The following PDE11A variants were observed in gnomAD, a reference collection of about 807,000 sequenced individuals.
PDE11A encodes the protein dual 3',5'-cyclic-AMP and -GMP phosphodiesterase 11A.
In PDE11A, 100 loss-of-function variants were observed where a neutral mutation model predicts 100.5. The ratio of observed to expected loss-of-function variants is 1.00; its 90% confidence interval spans 0.85 to 1.18. The LOEUF (loss-of-function observed/expected upper bound fraction) is 1.18. Ranked by LOEUF, PDE11A falls within the 50% of genes most tolerant of loss-of-function variation. The pLI, the probability that PDE11A is intolerant of heterozygous loss-of-function variation, is 0.00. For missense variants in PDE11A, 1,141 were observed against 1,152.6 expected, an observed-to-expected ratio of 0.99 and a Z score of 0.15; for synonymous variants, 381 against 420.8, an observed-to-expected ratio of 0.91 and a Z score of 1.16.
At chr2:177,997,927 A>G in intron 2 of PDE11A, 1 of 1,286,226 alleles carries the variant, frequency 7.8e-7, no homozygotes, top group East Asian at 2.3e-5. Context: ...CTCCAACTGT[A>G]TGTCAAGACC....
intron 2 of PDE11A, among the ~76,000 whole-genome samples, chr2:177,908,175 T>C (rs2084820474): frequency 6.6e-6 from 1 of 152,230 alleles, no homozygotes; most frequent in Non-Finnish European, 1.5e-5. Flanking sequence ...ATTAATATGA[T>C]AGTCTGGTTA....
At chr2:178,023,051 A>C (rs2086433933) in intron 1 of PDE11A, among the ~76,000 whole-genome samples, 1 of 152,212 alleles carries the variant, frequency 6.6e-6, no homozygotes, top group Non-Finnish European at 1.5e-5. Flanking sequence ...CACAAGGCCA[A>C]AAGCAATTTT....
Position 177,897,181 on chromosome 2 carries a change from T to C in PDE11A, c.1302+877A>G, listed in dbSNP as rs16865912. ...ATAATTGCTACACAATTCCCGATCT[T>C]TGAAGCAAGTTCTCAGCAAAAATAT... On this transcript the variant is annotated intron_variant, in intron 4 of 19. Transcript: ENST00000286063. 7.8e-3 allele frequency among the ~76,000 whole-genome samples: 1,190 copies of C among 152,318 alleles called. 18 individuals are homozygous for C. The highest frequency in any genetic ancestry group is 0.027 in the African/African-American group (1,109 of 41,568).
intron 2 of PDE11A, among the ~76,000 whole-genome samples, chr2:177,993,991 A>G (rs1426344142): frequency 6.8e-6 from 1 of 147,520 alleles, no homozygotes; most frequent in Non-Finnish European, 1.5e-5. Flanking sequence ...GCTGAAGTGC[A>G]ATGGAGCAAT....
At chr2:177,708,186 G>A (rs2105420023) in intron 13 of PDE11A, among the ~76,000 whole-genome samples, 2 of 152,226 alleles carry the variant, frequency 1.3e-5, no homozygotes, top group South Asian at 4.1e-4. Context: ...TTTCATTGCA[G>A]CTCTATTCAC....
At chr2:177,945,042 C>A in intron 2 of PDE11A, among the ~76,000 whole-genome samples, 1 of 148,840 alleles carries the variant, frequency 6.7e-6, no homozygotes, top group Non-Finnish European at 1.5e-5. Flanking sequence ...GGCCGGTCTC[C>A]AGCCCCTAAC....
intron 1 of PDE11A, among the ~76,000 whole-genome samples, chr2:178,070,788 G>A (rs577217964): frequency 8.9e-4 from 136 of 152,242 alleles, no homozygotes; most frequent in African/African-American, 3.1e-3. Context: ...AATATTTGTT[G>A]TTTGTTTCAT....
chr2:177,983,002 C>A (rs2085901224), intron 2 of PDE11A, among the ~76,000 whole-genome samples: 2 of 150,478 alleles, frequency 1.3e-5, no homozygotes, highest in South Asian at 4.3e-4. Flanking sequence ...ATCACTTGAA[C>A]CTGGGGGAAT....
intron 2 of PDE11A, among the ~76,000 whole-genome samples, chr2:178,002,278 T>C (rs775021170): frequency 8.5e-5 from 13 of 152,230 alleles, no homozygotes; most frequent in South Asian, 6.2e-4. Context: ...TAGTATTCCA[T>C]GGTGTCTATG....
chr2:177,729,869 G>C lies in PDE11A; in HGVS notation c.1789-1697C>G, dbSNP rs545589103. Reference sequence around the variant, plus strand: ...TCTTTTTTCCCCCTTTTTTTTTCCAGTGTATCTATTACAGGTTTTTGCTTT... The same window carrying C: ...TCTTTTTTCCCCCTTTTTTTTTCCACTGTATCTATTACAGGTTTTTGCTTT... On this transcript the variant is annotated intron_variant, in intron 10 of 19. Coordinates refer to ENST00000286063, the MANE Select transcript of PDE11A (RefSeq NM_016953.4). Among the ~76,000 whole-genome samples, 449 of 149,478 alleles carry C rather than the reference G, an allele frequency of 3.0e-3. 6 individuals carry two copies. Among genetic ancestry groups the C allele is most frequent in the African/African-American group, 0.011 (439 of 40,650 alleles).
intron 2 of PDE11A, among the ~76,000 whole-genome samples, chr2:177,991,446 C>T (rs1245152219): frequency 5.3e-5 from 8 of 150,258 alleles, no homozygotes; most frequent in Non-Finnish European, 8.9e-5. Context: ...CCAGCCTGGC[C>T]AACATGGTGA....
intron 5 of PDE11A, among the ~76,000 whole-genome samples, chr2:177,864,852 T>C (rs1402188962): frequency 6.6e-6 from 1 of 152,222 alleles, no homozygotes; most frequent in Admixed American, 6.5e-5. Context: ...ATGAGTTCCC[T>C]TTTGCATTAC....
chr2:177,790,229 A>G (rs1302791889), intron 9 of PDE11A, among the ~76,000 whole-genome samples: 1 of 148,018 alleles, frequency 6.8e-6, no homozygotes, highest in Non-Finnish European at 1.5e-5. Context: ...CTCAGAAATA[A>G]CGCCACATAT....
intron 10 of PDE11A, among the ~76,000 whole-genome samples, chr2:177,760,046 G>A (rs1001312523): frequency 6.6e-6 from 1 of 152,020 alleles, no homozygotes; most frequent in Non-Finnish European, 1.5e-5. Context: ...TTCCTACTCC[G>A]CCACTTGAAG....
chr2:177,675,262 T>TAAA (rs11378638), intron 17 of PDE11A, among the ~76,000 whole-genome samples, 193 bp downstream of exon 17: 11 of 139,124 alleles, frequency 7.9e-5, no homozygotes, highest in South Asian at 2.3e-4. Context: ...GAAAGCACGA[T>TAAA]AAAAAAAAAA....
At position 177,878,138 on chromosome 2, in the gene PDE11A, C is replaced by T. The variant is rs1574244347; in HGVS notation, c.1303-2215G>A. On this transcript the variant is annotated intron_variant, in intron 4 of 19. Transcript: ENST00000286063. Reference sequence around the variant, plus strand: ...ATGTAGGGCAATGACAATAGCTCAACTGCAAGGAAATACCCTTGACAACTA... The same window carrying T: ...ATGTAGGGCAATGACAATAGCTCAATTGCAAGGAAATACCCTTGACAACTA... 2.0e-5 allele frequency among the ~76,000 whole-genome samples: 3 copies of T among 152,292 alleles called. No homozygotes were observed. The East Asian group carries it at 5.8e-4, about 29-fold the overall frequency.
At chr2:178,008,665 T>C (rs569221234) in intron 2 of PDE11A, among the ~76,000 whole-genome samples, 1 of 152,192 alleles carries the variant, frequency 6.6e-6, no homozygotes, top group Non-Finnish European at 1.5e-5. Context: ...GCTGTGAGTC[T>C]CAGGCCTGTT....
intron 12 of PDE11A, chr2:177,723,110 G>A (rs2081553258): frequency 6.6e-6 from 1 of 152,172 alleles, no homozygotes; most frequent in Non-Finnish European, 1.5e-5. Flanking sequence ...TTTCAGCTGT[G>A]CTTCTAAGAT....
chr2:178,037,475 G>A (rs915340119), intron 1 of PDE11A, among the ~76,000 whole-genome samples: 2 of 152,262 alleles, frequency 1.3e-5, no homozygotes, highest in Admixed American at 1.3e-4. Flanking sequence ...ATTCCTCAAG[G>A]ATCTAGAACC....
Sources: gnomAD v4.1 joint callset for allele counts (sites outside exome capture counted in the v4.1 genomes callset) on GRCh38, gnomAD v4.1.1 for gene constraint, MANE v1.5 for transcripts, NCBI Gene and HGNC (gene_info 2026-07-23, HGNC 2026-07-21) for gene names.